NKAIN2: variants seen among roughly 807,000 people sequenced by gnomAD.
NKAIN2 encodes the protein sodium/potassium-transporting ATPase subunit beta-1-interacting protein 2.
NKAIN2 carries 14 observed loss-of-function variants against 32.6 expected under a neutral mutation model. The ratio of observed to expected loss-of-function variants is 0.43; its 90% CI spans 0.28 to 0.67. The LOEUF (loss-of-function observed/expected upper bound fraction) is 0.67, where lower values mean the gene tolerates loss of function less well. Among genes scored for constraint, NKAIN2 ranks in the 30% least tolerant of loss-of-function variants. The probability of loss-of-function intolerance (pLI) is 0.17; values close to 1 mark genes in which losing one functional copy is unlikely to be tolerated. For synonymous variants in NKAIN2, 80 were observed against 87.2 expected (o/e 0.92, Z 0.46); for missense variants, 198 against 258.3 (o/e 0.77, Z 1.60).
chr6:124,533,388 C>T (rs192686744), intron 3 of NKAIN2, among the ~76,000 whole-genome samples: 30 of 138,366 alleles, frequency 2.2e-4, no homozygotes, highest in South Asian at 9.8e-4. Flanking sequence ...AGGAGAATGG[C>T]GTGAACCCGG....
chr6:124,430,643 G>T (rs746938694), intron 3 of NKAIN2, among the ~76,000 whole-genome samples: 1 of 150,842 alleles, frequency 6.6e-6, no homozygotes, highest in Non-Finnish European at 1.5e-5. Flanking sequence ...TTGCATGGTA[G>T]CTCAGAGCTA....
chr6:124,604,887 A>ATC, intron 3 of NKAIN2, among the ~76,000 whole-genome samples: 1 of 152,118 alleles, frequency 6.6e-6, no homozygotes, highest in East Asian at 1.9e-4. Context: ...TGAGGGCAAG[A>ATC]TCTCTGCTGA....
At chr6:123,825,937 T>G (rs1332662191) in intron 1 of NKAIN2, among the ~76,000 whole-genome samples, 1 of 152,170 alleles carries the variant, frequency 6.6e-6, no homozygotes, top group South Asian at 2.1e-4. Flanking sequence ...TTAAAAGTGA[T>G]TAAGAACTGC....
intron 4 of NKAIN2, among the ~76,000 whole-genome samples, chr6:124,777,429 C>T (rs967627633): frequency 2.0e-5 from 3 of 152,156 alleles, no homozygotes; most frequent in African/African-American, 7.2e-5. Context: ...TTTAACTTCT[C>T]TATGCCACCA....
At chr6:124,046,997 C>T (rs758469620) in intron 1 of NKAIN2, among the ~76,000 whole-genome samples, 6 of 151,962 alleles carry the variant, frequency 3.9e-5, no homozygotes, top group Non-Finnish European at 7.4e-5. Flanking sequence ...AAAATGCCTT[C>T]GCTGTTTTGT....
intron 4 of NKAIN2, among the ~76,000 whole-genome samples, chr6:124,740,370 A>G (rs1777143139): frequency 6.6e-6 from 1 of 151,664 alleles, no homozygotes; most frequent in African/African-American, 2.4e-5. Context: ...CAGAGAAGAC[A>G]AAGACTCTTC....
chr6:124,703,812 T>G (rs148387427), intron 4 of NKAIN2, among the ~76,000 whole-genome samples: 3 of 151,910 alleles, frequency 2.0e-5, no homozygotes, highest in Non-Finnish European at 2.9e-5. Flanking sequence ...TACCAACAGA[T>G]AGGGATTTGT....
intron 1 of NKAIN2, among the ~76,000 whole-genome samples, chr6:124,274,628 C>A (rs2114890515): frequency 6.6e-6 from 1 of 152,182 alleles, no homozygotes; most frequent in African/African-American, 2.4e-5. Flanking sequence ...ATTCCCTCAT[C>A]TGTGCAATAA....
At chr6:124,759,502 C>T (rs978089685) in intron 4 of NKAIN2, among the ~76,000 whole-genome samples, 1 of 151,392 alleles carries the variant, frequency 6.6e-6, no homozygotes, top group Non-Finnish European at 1.5e-5. Context: ...AAACCCTCTG[C>T]GTTCTCTCCT....
At chr6:123,928,405 A>G (rs984908983) in intron 1 of NKAIN2, among the ~76,000 whole-genome samples, 4 of 152,176 alleles carry the variant, frequency 2.6e-5, no homozygotes, top group East Asian at 1.9e-4. Flanking sequence ...AATCTAAAAT[A>G]AAAGTTGAAA....
At chr6:124,555,443 A>G (rs1244171578) in intron 3 of NKAIN2, among the ~76,000 whole-genome samples, 1 of 152,214 alleles carries the variant, frequency 6.6e-6, no homozygotes, top group African/African-American at 2.4e-5. Context: ...TATAGCATAC[A>G]ATAAAACTCT....
chr6:124,616,527 C>T (rs1362602768), intron 3 of NKAIN2, among the ~76,000 whole-genome samples: 1 of 119,834 alleles, frequency 8.3e-6, no homozygotes, highest in Admixed American at 1.1e-4. Flanking sequence ...TGCAGTGGTG[C>T]GATCTCGGCT....
intron 1 of NKAIN2, among the ~76,000 whole-genome samples, chr6:124,037,985 C>A (rs2114802285): frequency 6.6e-6 from 1 of 152,202 alleles, no homozygotes; most frequent in East Asian, 1.9e-4. Flanking sequence ...AATGGATAAA[C>A]ATTAAAGTAG....
At chr6:124,334,555 G>T (rs546979743) in intron 2 of NKAIN2, among the ~76,000 whole-genome samples, 1 of 151,960 alleles carries the variant, frequency 6.6e-6, no homozygotes, top group Non-Finnish European at 1.5e-5. Flanking sequence ...GTTCCTGGTG[G>T]GGGGCACTAG....
intron 3 of NKAIN2, among the ~76,000 whole-genome samples, chr6:124,356,409 T>C (rs11154223): frequency 0.23 from 35,609 of 152,072 alleles, 4,248 homozygotes; most frequent in Admixed American, 0.3. Context: ...GAAAAATCAT[T>C]TTGATTTGTT....
intron 1 of NKAIN2, among the ~76,000 whole-genome samples, chr6:124,238,540 A>G (rs1326592386): frequency 6.6e-6 from 1 of 152,110 alleles, no homozygotes; most frequent in African/African-American, 2.4e-5. Flanking sequence ...TATAGCTTGG[A>G]AAACAGGATG....
intron 1 of NKAIN2, among the ~76,000 whole-genome samples, chr6:123,959,706 G>C (rs1777753578): frequency 6.6e-6 from 1 of 151,812 alleles, no homozygotes; most frequent in Non-Finnish European, 1.5e-5. Context: ...TCTAACTCAG[G>C]TTTCAAATGA....
rs561738344 is a variant in NKAIN2 at position 124,559,811 on chromosome 6, G to A, written c.274-98375G>A. Among the ~76,000 whole-genome samples, 9 of 145,780 alleles carry A rather than the reference G, an allele frequency of 6.2e-5. No individual in the cohort carries two copies. In the East Asian group the frequency reaches 1.9e-3, roughly 30 times the overall value. On this transcript the variant is annotated intron_variant, in intron 3 of 6. Coordinates refer to ENST00000368417, the MANE Select transcript of NKAIN2 (RefSeq NM_001040214.3). ...CCCTCAGCTAGGCAATGATAGATGT[G>A]GAAGGCGAGTAAGAAATAAACCATT...
chr6:124,704,903 C>A (rs556386972), intron 4 of NKAIN2, among the ~76,000 whole-genome samples: 1 of 151,920 alleles, frequency 6.6e-6, no homozygotes, highest in South Asian at 2.1e-4. Context: ...CCAAGAAAAA[C>A]CAATTAACAA....
Sources: allele counts gnomAD v4.1 joint callset (sites outside exome capture counted in the v4.1 genomes callset), GRCh38; gene constraint gnomAD v4.1.1; transcripts MANE v1.5; gene names NCBI Gene and HGNC (gene_info 2026-07-23, HGNC 2026-07-21).